Variants in MPDZ observed in about 807,000 individuals in gnomAD.
MPDZ encodes the protein multiple PDZ domain protein.
Under a neutral mutation model 239.1 loss-of-function variants are expected in MPDZ, and 234 were observed. The observed-to-expected ratio is 0.98, with a 90% confidence interval of 0.88 to 1.09. The LOEUF is 1.09. Among genes scored for constraint, MPDZ ranks in the 50% least tolerant of loss-of-function variants. MPDZ has a pLI of 0.00. For synonymous variants in MPDZ, 1,048 were observed against 881.3 expected, an observed-to-expected ratio of 1.19 and a Z score of -3.35; for missense variants, 3,175 against 2,510.0, an observed-to-expected ratio of 1.26 and a Z score of -5.66.
Position 13,205,054 on chromosome 9 carries a change from A to T in MPDZ, c.1528T>A (p.Leu510Ile), listed in dbSNP as rs1027711753. 3 of 1,464,538 alleles carry T rather than the reference A, an allele frequency of 2.0e-6. No homozygotes were observed. Among genetic ancestry groups the T allele is most frequent in the Non-Finnish European group, 2.7e-6 (3 of 1,111,050 alleles). The allele number at this position is 1,464,538 out of a possible 1,614,324, so 90.7% of individuals were successfully genotyped here. A position where few individuals can be genotyped will look rare whatever the true frequency, so the allele number is the denominator to read the frequency against. ...TGTTTACCTTCTTCTTCAGTTGGTA[A>T]TATGTTGGTGTTTCTCGTCGAAGAT... is the stretch of plus-strand genomic sequence containing the variant. Reference protein sequence around the residue: ...FLSSTRNTNILPTEEEGYPLL... With the variant: ...FLSSTRNTNIIPTEEEGYPLL... The change falls in exon 12 of 47, where the codon TTA becomes ATA. Residue 510 changes from leucine to isoleucine, a missense_variant. Leu to Ile is a conservative substitution (Grantham distance 5, BLOSUM62 2). Coordinates refer to ENST00000319217, the MANE Select transcript of MPDZ (RefSeq NM_001378778.1).
Position 13,115,322 on chromosome 9 carries a change from T to G in MPDZ, c.5392A>C (p.Thr1798Pro). The change falls in exon 40 of 47, where the codon ACA becomes CCA. Residue 1798 changes from threonine to proline, a missense_variant. Transcript: ENST00000319217. ...VAALLKCSLG[T>P]VTLEVGRIKA... ...ATTCTTCCAACTTCCAAGGTTACTG[T>G]GCCTAGGGAACACTGGGGGTGGGCA... is the stretch of plus-strand genomic sequence containing the variant. The G allele has an allele frequency of 6.2e-7, 1 of 1,612,462 alleles. No homozygotes were observed. Among genetic ancestry groups the G allele is most frequent in the Non-Finnish European group, 8.5e-7 (1 of 1,179,622 alleles).
Position 13,205,069 on chromosome 9 carries a change from T to C in MPDZ, c.1513A>G (p.Arg505Gly). 1 of 1,464,848 alleles carries C rather than the reference T, an allele frequency of 6.8e-7. No homozygotes were observed. Among genetic ancestry groups the C allele is most frequent in the Non-Finnish European group, 9.0e-7 (1 of 1,111,360 alleles). 90.7% of individuals were successfully genotyped at this position (1,464,848 alleles called of 1,614,324 possible). Reference protein sequence around the residue: ...EKDEDFLSSTRNTNILPTEEE... With the variant: ...EKDEDFLSSTGNTNILPTEEE... ...TCAGTTGGTAATATGTTGGTGTTTC[T>C]CGTCGAAGATAAAAAATCTTCATCT... Residue 505 changes from arginine to glycine, a missense_variant, in exon 12 of 47, where the codon AGA (arginine) becomes GGA (glycine). Arg to Gly is a moderately radical substitution (Grantham distance 125). Coordinates refer to ENST00000319217, the MANE Select transcript of MPDZ (RefSeq NM_001378778.1).
chr9:13,211,860 A>T, intron 10 of MPDZ, among the ~76,000 whole-genome samples: 1 of 152,126 alleles, frequency 6.6e-6, no homozygotes. Flanking sequence ...AACTATTATT[A>T]GTGGCTATTA....
At chr9:13,114,553 T>A (rs1180343683) in intron 40 of MPDZ, among the ~76,000 whole-genome samples, 1 of 152,194 alleles carries the variant, frequency 6.6e-6, no homozygotes, top group African/African-American at 2.4e-5. Context: ...AGTTCACTTA[T>A]ATGGGACTTT....
chr9:13,186,114 T>C (rs1218604644), intron 18 of MPDZ, among the ~76,000 whole-genome samples, 156 bp downstream of exon 18: 2 of 152,226 alleles, frequency 1.3e-5, no homozygotes, highest in East Asian at 3.8e-4. Flanking sequence ...TTTCTTCCCA[T>C]TTTCAATTGT....
At chr9:13,218,428 T>C (rs1958643066) in intron 8 of MPDZ, among the ~76,000 whole-genome samples, 1 of 151,902 alleles carries the variant, frequency 6.6e-6, no homozygotes, top group Non-Finnish European at 1.5e-5. Flanking sequence ...AAGCTTTCAA[T>C]TACATCAAGT....
At chr9:13,146,759 T>C (rs1948490716) in intron 26 of MPDZ, among the ~76,000 whole-genome samples, 1 of 152,016 alleles carries the variant, frequency 6.6e-6, no homozygotes, top group East Asian at 1.9e-4. Flanking sequence ...ATTTTTTTTT[T>C]CATGAGGCAT....
chr9:13,161,111 A>T (rs1035462448), intron 23 of MPDZ, among the ~76,000 whole-genome samples: 1 of 151,652 alleles, frequency 6.6e-6, no homozygotes, highest in African/African-American at 2.4e-5. Flanking sequence ...GGACCATGCC[A>T]TTCCTTCCCT....
intron 24 of MPDZ, among the ~76,000 whole-genome samples, chr9:13,153,594 T>C (rs1310769371): frequency 2.0e-5 from 3 of 152,042 alleles, no homozygotes; most frequent in African/African-American, 7.2e-5. Flanking sequence ...CATCTCAGCC[T>C]CCCTAAGTGC....
intron 3 of MPDZ, among the ~76,000 whole-genome samples, chr9:13,245,889 T>C (rs2137651910): frequency 6.6e-6 from 1 of 152,240 alleles, no homozygotes; most frequent in South Asian, 2.1e-4. Flanking sequence ...TAACTATTCC[T>C]TTTACATTAA....
At chr9:13,250,544 T>C (rs538055822) in intron 1 of MPDZ, among the ~76,000 whole-genome samples, 172 bp from the exon 2 acceptor site, 2 of 152,350 alleles carry the variant, frequency 1.3e-5, no homozygotes, top group East Asian at 1.9e-4. Context: ...TTAGGACTTA[T>C]TCAAAATTAT....
At chr9:13,260,621 A>G (rs551767477) in intron 1 of MPDZ, among the ~76,000 whole-genome samples, 1 of 152,184 alleles carries the variant, frequency 6.6e-6, no homozygotes, top group Non-Finnish European at 1.5e-5. Context: ...TTAACGTTAA[A>G]TGAGGATATA....
At chr9:13,203,880 A>G (rs1956690042) in intron 12 of MPDZ, among the ~76,000 whole-genome samples, 1 of 151,974 alleles carries the variant, frequency 6.6e-6, no homozygotes, top group Non-Finnish European at 1.5e-5. Context: ...TGCCCACTTA[A>G]TATCACAAGT....
chr9:13,203,076 T>G (rs1225324549), intron 12 of MPDZ, among the ~76,000 whole-genome samples: 2 of 152,174 alleles, frequency 1.3e-5, no homozygotes, highest in Non-Finnish European at 2.9e-5. Context: ...ATATGCTAAT[T>G]ACTCTGATCT....
At chr9:13,199,923 T>C (rs1238388847) in intron 12 of MPDZ, among the ~76,000 whole-genome samples, 1 of 152,084 alleles carries the variant, frequency 6.6e-6, no homozygotes, top group African/African-American at 2.4e-5. Flanking sequence ...TTCTTTTTGT[T>C]GTGTGTCCTT....
intron 3 of MPDZ, among the ~76,000 whole-genome samples, chr9:13,235,167 G>T (rs1429184632): frequency 1.3e-5 from 2 of 152,082 alleles, no homozygotes; most frequent in African/African-American, 2.4e-5. Flanking sequence ...CTGATTTAAT[G>T]ACCCTTATTT....
chr9:13,158,272 C>T (rs543910166), intron 23 of MPDZ, among the ~76,000 whole-genome samples, 162 bp from the exon 24 acceptor site: 5 of 152,120 alleles, frequency 3.3e-5, no homozygotes, highest in Admixed American at 6.6e-5. Flanking sequence ...GGAAGAAAAA[C>T]GTAACCAAAC....
chr9:13,161,666 GT>G (rs1474179384), intron 23 of MPDZ, among the ~76,000 whole-genome samples: 1 of 152,078 alleles, frequency 6.6e-6, no homozygotes, highest in African/African-American at 2.4e-5. Flanking sequence ...AAGAAATTTG[GT>G]AGTCAGTTGC....
chr9:13,232,068 G>A (rs1400436352), intron 3 of MPDZ, among the ~76,000 whole-genome samples: 2 of 152,030 alleles, frequency 1.3e-5, no homozygotes, highest in African/African-American at 4.8e-5. Context: ...TTAGACCCAA[G>A]GTTTTAGGTA....
Sources: allele counts gnomAD v4.1 joint callset (sites outside exome capture counted in the v4.1 genomes callset), GRCh38; gene constraint gnomAD v4.1.1; transcripts MANE v1.5; gene names NCBI Gene and HGNC (gene_info 2026-07-23, HGNC 2026-07-21).